PTK2: variants seen among roughly 807,000 people sequenced by gnomAD.
PTK2 encodes focal adhesion kinase 1.
A neutral mutation model predicts 150.1 loss-of-function variants in PTK2; 45 were observed. The observed-to-expected ratio is 0.30, with a 90% CI of 0.24 to 0.38. PTK2 has a LOEUF of 0.38. PTK2 is among the 10% of genes least tolerant of loss of function. The pLI, the probability that PTK2 is intolerant of heterozygous loss-of-function variation, is 1.00. For synonymous variants in PTK2, 432 were observed against 449.2 expected (o/e 0.96, Z 0.48); for missense variants, 919 against 1,307.3 (o/e 0.70, Z 4.58).
intron 1 of PTK2, among the ~76,000 whole-genome samples, chr8:140,951,454 G>C (rs1288543254): frequency 6.6e-6 from 1 of 152,188 alleles, no homozygotes; most frequent in African/African-American, 2.4e-5. Context: ...CATATGGACT[G>C]ACCATCTGTC....
intron 1 of PTK2, among the ~76,000 whole-genome samples, chr8:140,987,643 T>C (rs572539155): frequency 6.6e-6 from 1 of 152,234 alleles, no homozygotes; most frequent in Non-Finnish European, 1.5e-5. Flanking sequence ...TGTACAAGAC[T>C]GACAATAACG....
intron 16 of PTK2, among the ~76,000 whole-genome samples, chr8:140,760,328 A>T (rs1352672153): frequency 6.6e-6 from 1 of 152,222 alleles, no homozygotes; most frequent in Non-Finnish European, 1.5e-5. Context: ...AACAACCCAA[A>T]TATTCATCAA....
chr8:140,723,079 C>T (rs760923707), intron 22 of PTK2, among the ~76,000 whole-genome samples: 5 of 152,152 alleles, frequency 3.3e-5, no homozygotes, highest in Non-Finnish European at 5.9e-5. Flanking sequence ...CTCCATCTGC[C>T]CTGATATTTC....
chr8:140,914,969 G>C (rs1165912667), intron 2 of PTK2, among the ~76,000 whole-genome samples: 1 of 144,090 alleles, frequency 6.9e-6, no homozygotes, highest in Non-Finnish European at 1.5e-5. Flanking sequence ...GGAGGCAGAG[G>C]TTGCGGTGAG....
intron 1 of PTK2, among the ~76,000 whole-genome samples, chr8:140,945,176 A>G (rs568862695): frequency 6.6e-6 from 1 of 152,342 alleles, no homozygotes; most frequent in South Asian, 2.1e-4. Flanking sequence ...AAGTTTTTGT[A>G]ACCAATGCGT....
intron 1 of PTK2, among the ~76,000 whole-genome samples, chr8:140,977,504 C>G (rs1207981353): frequency 1.3e-5 from 2 of 152,054 alleles, no homozygotes; most frequent in African/African-American, 4.8e-5. Flanking sequence ...CACCTGTAGT[C>G]CCAGCTACTC....
intron 10 of PTK2, among the ~76,000 whole-genome samples, chr8:140,807,684 G>A (rs1437896086): frequency 6.6e-6 from 1 of 152,122 alleles, no homozygotes; most frequent in African/African-American, 2.4e-5. Context: ...ATAAGATAAA[G>A]TCTCAAGAAT....
chr8:140,776,160 C>T (rs1010172581), intron 14 of PTK2, among the ~76,000 whole-genome samples: 1 of 152,228 alleles, frequency 6.6e-6, no homozygotes, highest in Admixed American at 6.5e-5. Context: ...TCCGCCACCA[C>T]ACCTGGTTAA....
chr8:140,823,736 C>T (rs531494547), intron 8 of PTK2, among the ~76,000 whole-genome samples: 9 of 152,328 alleles, frequency 5.9e-5, no homozygotes, highest in South Asian at 2.1e-4. Flanking sequence ...GAATGCATCA[C>T]GGGCAGTCCC....
chr8:140,940,833 C>T (rs771358891), intron 1 of PTK2, among the ~76,000 whole-genome samples: 4 of 151,796 alleles, frequency 2.6e-5, no homozygotes, highest in African/African-American at 4.8e-5. Flanking sequence ...AAAAATTAGC[C>T]GGGCATGGTG....
intron 20 of PTK2, 46 bp downstream of exon 23, chr8:140,743,184 T>C: frequency 7.7e-7 from 1 of 1,299,864 alleles, no homozygotes; most frequent in Non-Finnish European, 1.1e-6. Context: ...TAGAAATACG[T>C]TAAAGATTCC....
intron 17 of PTK2, among the ~76,000 whole-genome samples, chr8:140,748,546 C>A (rs1206659205): frequency 6.7e-6 from 1 of 150,246 alleles, no homozygotes; most frequent in Non-Finnish European, 1.5e-5. Flanking sequence ...AGGACTTTCA[C>A]ATGAGAGAAA....
At chr8:140,756,330 A>AG (rs1189390314) in intron 16 of PTK2, among the ~76,000 whole-genome samples, 7 of 151,946 alleles carry the variant, frequency 4.6e-5, no homozygotes, top group African/African-American at 1.7e-4. Flanking sequence ...CTCAAAAAAA[A>AG]AAAAAAAGAA....
chr8:140,736,100 T>C (rs1343242787), intron 21 of PTK2, among the ~76,000 whole-genome samples: 1 of 152,230 alleles, frequency 6.6e-6, no homozygotes, highest in African/African-American at 2.4e-5. Flanking sequence ...TCCAATACTT[T>C]CTTAGTATCT....
At chr8:140,921,953 G>T (rs1179043381) in intron 2 of PTK2, among the ~76,000 whole-genome samples, 1 of 152,178 alleles carries the variant, frequency 6.6e-6, no homozygotes, top group East Asian at 1.9e-4. Context: ...TGGTGCCTTT[G>T]TTCTCCGAAT....
chr8:140,830,021 A>G (rs897986891), intron 8 of PTK2, among the ~76,000 whole-genome samples: 4 of 152,178 alleles, frequency 2.6e-5, no homozygotes, highest in South Asian at 4.1e-4. Context: ...AATGCGGGGA[A>G]GCATCCAAAG....
intron 5 of PTK2, among the ~76,000 whole-genome samples, chr8:140,860,662 G>A (rs1355668217): frequency 1.3e-5 from 2 of 152,126 alleles, no homozygotes; most frequent in Admixed American, 6.5e-5. Context: ...TAGTAGAGAC[G>A]GAGTTTTGCC....
rs540467256 is a variant in PTK2 at position 140,912,369 on chromosome 8, C to T, written c.-33+13292G>A. Among the ~76,000 whole-genome samples, 11 of 152,146 alleles carry T rather than the reference C, an allele frequency of 7.2e-5. No individual in the cohort carries two copies. In the South Asian group the frequency reaches 1.7e-3, roughly 23 times the overall value. ...AAATTCATACTTGAGTACAGTGGCT[C>T]GTGCCTGTCAGGTACTCAGGAGGCT... On this transcript the variant is annotated intron_variant, in intron 2 of 31. Coordinates refer to ENST00000522684, the Ensembl canonical transcript of PTK2.
chr8:140,779,269 A>AC (rs1363109005), intron 14 of PTK2, among the ~76,000 whole-genome samples: 1 of 151,460 alleles, frequency 6.6e-6, no homozygotes, highest in East Asian at 1.9e-4. Flanking sequence ...AGAAAAAAAA[A>AC]AAAAGAAGAC....
Sources: allele counts gnomAD v4.1 joint callset (sites outside exome capture counted in the v4.1 genomes callset), GRCh38; gene constraint gnomAD v4.1.1; transcripts MANE v1.5; gene names NCBI Gene and HGNC (gene_info 2026-07-23, HGNC 2026-07-21).